The following ANKRD12 variants were observed in gnomAD, a reference collection of about 807,000 sequenced individuals.
ANKRD12 encodes the protein ankyrin repeat domain-containing protein 12.
A neutral mutation model predicts 183.4 loss-of-function variants in ANKRD12; 85 were observed. That is an observed-to-expected ratio of 0.46 (90% confidence interval 0.39 to 0.56). The LOEUF (loss-of-function observed/expected upper bound fraction) is 0.56. Among genes scored for constraint, ANKRD12 ranks in the 20% least tolerant of loss-of-function variants. The pLI is 0.00. For missense variants in ANKRD12, 2,405 were observed against 2,357.1 expected, an observed-to-expected ratio of 1.02 and a Z score of -0.42; for synonymous variants, 914 against 800.2, an observed-to-expected ratio of 1.14 and a Z score of -2.40.
intron 1 of ANKRD12, among the ~76,000 whole-genome samples, chr18:9,154,846 G>T (rs1342059967): frequency 6.6e-6 from 1 of 152,232 alleles, no homozygotes; most frequent in East Asian, 1.9e-4. Context: ...TAACAGAAAA[G>T]AGTTCTCTGT....
In ANKRD12 at chr18:9,256,003, C is replaced by A; in HGVS notation, c.2736C>A (p.Asp912Glu). The A allele has an allele frequency of 1.3e-6, 2 of 1,553,672 alleles. No individual in the cohort carries two copies. Among genetic ancestry groups the A allele is most frequent in the Non-Finnish European group, 1.7e-6 (2 of 1,159,380 alleles). Residue 912 changes from aspartate (D) to glutamate (E), a missense_variant, in exon 9 of 13, where the codon GAC (aspartate) becomes GAA (glutamate). Physicochemically the swap from Asp to Glu is conservative, Grantham distance 45. Around this residue, in one of 7 missense-constraint regions of ANKRD12, gnomAD observed 1,983 missense variants for 1,725.9 expected, o/e 1.15. Transcript: ENST00000262126. ...GAGAAAAGATGGATAGGAAACATGA[C>A]AAAGAAAAGCCTGAAAAAGAGAGGC... ...KSREKMDRKH[D>E]KEKPEKERHL...
intron 7 of ANKRD12, among the ~76,000 whole-genome samples, chr18:9,218,291 G>A (rs781178663): frequency 2.6e-5 from 4 of 152,138 alleles, no homozygotes; most frequent in Non-Finnish European, 4.4e-5. Flanking sequence ...CCAGAGGGAG[G>A]GACCTTTGCT....
At chr18:9,164,762 G>C (rs1335033382) in intron 1 of ANKRD12, among the ~76,000 whole-genome samples, 1 of 152,120 alleles carries the variant, frequency 6.6e-6, no homozygotes, top group Non-Finnish European at 1.5e-5. Flanking sequence ...AAGAGAGTTT[G>C]TTGTAATTTC....
intron 8 of ANKRD12, among the ~76,000 whole-genome samples, chr18:9,236,779 C>CAG (rs2037372048): frequency 6.6e-6 from 1 of 152,116 alleles, no homozygotes; most frequent in Non-Finnish European, 1.5e-5. Context: ...TTTTGAAGTT[C>CAG]ACTGAGCTTC....
rs2040128298 is a variant in ANKRD12 at position 9,282,264 on chromosome 18, C to G, written c.*1138C>G. The G allele has an allele frequency of 6.6e-6, 1 of 152,192 alleles. No individual in the cohort carries two copies. The highest frequency in any genetic ancestry group is 2.1e-4 in the South Asian group (1 of 4,798). 9.4% of individuals were successfully genotyped at this position (152,192 alleles called of 1,614,324 possible). A position where few individuals can be genotyped will look rare whatever the true frequency, so the allele number is the denominator to read the frequency against. ...GCCTTTGCACTTTTAAAATAAAAAC[C>G]AAGTATGCAAATCAAAGATATTTGG... On this transcript the variant is annotated 3_prime_UTR_variant, in exon 13 of 13. Transcript: ENST00000262126.
intron 1 of ANKRD12, among the ~76,000 whole-genome samples, chr18:9,164,031 C>T (rs2031760117): frequency 6.6e-6 from 1 of 152,114 alleles, no homozygotes; most frequent in African/African-American, 2.4e-5. Flanking sequence ...CTTTCTCTTG[C>T]CTGATTACCC....
At chr18:9,254,085 G>A in intron 8 of ANKRD12, 126 bp from the exon 9 acceptor site, 1 of 1,085,324 alleles carries the variant, frequency 9.2e-7, no homozygotes, top group Non-Finnish European at 1.2e-6. Context: ...ATATAAATCT[G>A]AAGTGATTAT....
chr18:9,244,360 CTTTTT>C (rs886073788), intron 8 of ANKRD12, among the ~76,000 whole-genome samples: 1 of 151,672 alleles, frequency 6.6e-6, no homozygotes, highest in South Asian at 2.1e-4. Context: ...AGACTTAACT[CTTTTT>C]TTTGAGATGA....
intron 1 of ANKRD12, among the ~76,000 whole-genome samples, chr18:9,162,706 C>T (rs1157287224): frequency 6.6e-6 from 1 of 152,198 alleles, no homozygotes; most frequent in Non-Finnish European, 1.5e-5. Context: ...CACAACCTCG[C>T]CAGCGTCTGT....
intron 9 of ANKRD12, among the ~76,000 whole-genome samples, chr18:9,262,460 GTTTTGT>G (rs2039026238): frequency 6.6e-6 from 1 of 152,010 alleles, no homozygotes; most frequent in South Asian, 2.1e-4. Flanking sequence ...TTTGTTTTTA[GTTTTGT>G]TTTTAACTTA....
chr18:9,261,899 T>G (rs1351543181), intron 9 of ANKRD12, among the ~76,000 whole-genome samples: 1 of 152,190 alleles, frequency 6.6e-6, no homozygotes, highest in Non-Finnish European at 1.5e-5. Context: ...TCTACATTCC[T>G]TGAAATAACT....
intron 1 of ANKRD12, among the ~76,000 whole-genome samples, chr18:9,179,961 A>G (rs1324504317): frequency 1.3e-5 from 2 of 152,228 alleles, no homozygotes; most frequent in East Asian, 1.9e-4. Context: ...TTGAGCAGAT[A>G]TTTCTGTAAA....
chr18:9,231,426 T>C (rs1263072986), intron 8 of ANKRD12, among the ~76,000 whole-genome samples: 1 of 152,198 alleles, frequency 6.6e-6, no homozygotes, highest in African/African-American at 2.4e-5. Context: ...TACTGCAGTG[T>C]TGGGTTCATA....
Position 9,256,610 on chromosome 18 carries a change from T to C in ANKRD12, c.3343T>C (p.Cys1115Arg), listed in dbSNP as rs780742153. 6 of 1,601,498 alleles carry C rather than the reference T, an allele frequency of 3.7e-6. No homozygotes were observed. Among genetic ancestry groups the C allele is most frequent in the Non-Finnish European group, 3.4e-6 (4 of 1,177,038 alleles). The change falls in exon 9 of 13, where the codon TGT (cysteine) becomes CGT (arginine). Residue 1115 changes from cysteine (C) to arginine (R), a missense_variant. Physicochemically the swap from Cys to Arg is radical, Grantham distance 180. This residue lies in a region of ANKRD12 where 1,983 missense variants were observed against 1,725.9 expected (regional missense o/e 1.15). Coordinates refer to ENST00000262126, the MANE Select transcript of ANKRD12 (RefSeq NM_015208.5). ...KEKERLRNRN[C>R]LELKIKDKEK... ...AAAGGAACGGTTGAGAAACCGAAAC[T>C]GTTTAGAACTTAAAATAAAAGATAA...
chr18:9,156,113 G>C (rs925396513), intron 1 of ANKRD12, among the ~76,000 whole-genome samples: 1 of 131,922 alleles, frequency 7.6e-6, no homozygotes, highest in Non-Finnish European at 1.6e-5. Context: ...ACTCCAGCCT[G>C]GGCAACAGAG....
intron 5 of ANKRD12, among the ~76,000 whole-genome samples, chr18:9,210,141 A>AAACT (rs1290213952): frequency 6.6e-6 from 1 of 152,144 alleles, no homozygotes; most frequent in Non-Finnish European, 1.5e-5. Context: ...AATATCAAGC[A>AAACT]GTTTGCCATC....
intron 8 of ANKRD12, among the ~76,000 whole-genome samples, chr18:9,244,127 T>C (rs1267487408): frequency 6.6e-6 from 1 of 151,944 alleles, no homozygotes; most frequent in Non-Finnish European, 1.5e-5. Context: ...AGAGCGAAAT[T>C]CCGTCTCAAA....
At position 9,254,229 on chromosome 18, in the gene ANKRD12, C is replaced by T; in HGVS notation, c.962C>T (p.Ser321Phe). 2.5e-6 allele frequency: 4 copies of T among 1,571,640 alleles called. No homozygotes were observed. The African/African-American group carries it at 4.1e-5, about 16-fold the overall frequency. Residue 321 changes from serine (S) to phenylalanine (F), a missense_variant, in exon 9 of 13, where the codon TCT (serine) becomes TTT (phenylalanine). Physicochemically the swap from Ser to Phe is radical, Grantham distance 155. Coordinates refer to ENST00000262126, the MANE Select transcript of ANKRD12 (RefSeq NM_015208.5). ...ESYTDSEEAQSVNPSSVDENI... is the reference protein window; with the variant it reads ...ESYTDSEEAQFVNPSSVDENI... Reference sequence around the variant, plus strand: ...ATTCTAGATTCCGAAGAGGCTCAATCTGTAAATCCTTCTAGTGTTGATGAA... The same window carrying T: ...ATTCTAGATTCCGAAGAGGCTCAATTTGTAAATCCTTCTAGTGTTGATGAA...
intron 2 of ANKRD12, among the ~76,000 whole-genome samples, chr18:9,192,336 A>G (rs774425154): frequency 1.3e-5 from 2 of 152,168 alleles, no homozygotes; most frequent in Non-Finnish European, 2.9e-5. Context: ...TAATCTTTTG[A>G]TACAATGAAT....
Sources: gnomAD v4.1 joint callset for allele counts (sites outside exome capture counted in the v4.1 genomes callset) on GRCh38, gnomAD v4.1.1 for gene constraint, gnomAD v4.1.1 regional missense constraint, MANE v1.5 for transcripts, NCBI Gene and HGNC (gene_info 2026-07-23, HGNC 2026-07-21) for gene names.